Variants in MYOM1 observed in about 807,000 individuals in gnomAD.
MYOM1 encodes the protein myomesin-1.
A neutral mutation model predicts 205.3 loss-of-function variants in MYOM1; 164 were observed. The ratio of observed to expected loss-of-function variants is 0.80; its 90% CI spans 0.70 to 0.91. The LOEUF (loss-of-function observed/expected upper bound fraction) is 0.91. Among genes scored for constraint, MYOM1 ranks in the 40% least tolerant of loss-of-function variants. The pLI is 0.00. For synonymous variants in MYOM1, 772 were observed against 789.4 expected (o/e 0.98, Z 0.37); for missense variants, 2,011 against 2,127.3 (o/e 0.95, Z 1.08).
chr18:3,223,704 T>C (rs2081341074), upstream of MYOM1, among the ~76,000 whole-genome samples: 1 of 152,234 alleles, frequency 6.6e-6, no homozygotes, highest in Non-Finnish European at 1.5e-5. Context: ...TGGAGCAATT[T>C]GTGGGAAGAA....
rs553153529 is a variant in MYOM1 at position 3,202,177 on chromosome 18, T to C, written c.291-8219A>G. On this transcript the variant is annotated intron_variant, in intron 2 of 37. Transcript: ENST00000356443. ...ATATTGTAATTCCTAAGGCAATCCC[T>C]AGGAAAATAGCTCAAAGAATATAGT... is the stretch of plus-strand genomic sequence containing the variant. Among the ~76,000 whole-genome samples, 3 of 152,212 alleles carry C rather than the reference T, an allele frequency of 2.0e-5. No individual in the cohort carries two copies. In the South Asian group the frequency reaches 6.2e-4, roughly 32 times the overall value.
chr18:3,213,784 C>T (rs1231627118), intron 2 of MYOM1, among the ~76,000 whole-genome samples: 1 of 152,208 alleles, frequency 6.6e-6, no homozygotes, highest in Non-Finnish European at 1.5e-5. Flanking sequence ...CCTGCAGGAT[C>T]TTAGTTGCTT....
chr18:3,156,774 AT>A (rs1034976578), intron 10 of MYOM1, among the ~76,000 whole-genome samples: 20 of 151,580 alleles, frequency 1.3e-4, no homozygotes, highest in Non-Finnish European at 7.4e-5. Flanking sequence ...TGCCCGGCTA[AT>A]TTTTTTTGTA....
chr18:3,114,992 G>A (rs1449886979), intron 21 of MYOM1, among the ~76,000 whole-genome samples: 3 of 148,646 alleles, frequency 2.0e-5, no homozygotes, highest in South Asian at 2.1e-4. Context: ...CCTTTGTTTC[G>A]CTTCACCCTA....
chr18:3,153,302 G>A (rs2080246309), intron 11 of MYOM1, among the ~76,000 whole-genome samples: 1 of 152,158 alleles, frequency 6.6e-6, no homozygotes. Context: ...CGTGATCTTA[G>A]GTGAGTTAGT....
chr18:3,215,085 T>C lies in MYOM1; in HGVS notation c.139A>G (p.Ser47Gly), dbSNP rs202145133. 10,035 of 1,613,626 alleles carry C rather than the reference T, an allele frequency of 6.2e-3. 74 individuals carry two copies. Among genetic ancestry groups the C allele is most frequent in the Non-Finnish European group, 5.5e-3 (6,460 of 1,179,832 alleles). ...AVYTQGSTAY[S>G]SRSSAAHRRE... Reference sequence around the variant, plus strand: ...CGGTGCGCGGCGGAGGAGCGGCTGCTGTAGGCCGTGGAGCCCTGGGTGTAG... The same window carrying C: ...CGGTGCGCGGCGGAGGAGCGGCTGCCGTAGGCCGTGGAGCCCTGGGTGTAG... Residue 47 changes from serine (S) to glycine (G), a missense_variant, in exon 2 of 38, where the codon AGC becomes GGC. Ser to Gly is a moderately conservative substitution (Grantham distance 56). Coordinates refer to ENST00000356443, the MANE Select transcript of MYOM1 (RefSeq NM_003803.4).
rs373844447 is a variant in MYOM1, at chr18:3,151,746, T to C, written c.1791A>G (p.Arg597=). 8 of 1,613,724 alleles carry C rather than the reference T, an allele frequency of 5.0e-6. No homozygotes were observed. Among genetic ancestry groups the C allele is most frequent in the African/African-American group, 4.0e-5 (3 of 74,908 alleles). The stretch of plus-strand genomic sequence containing the variant: ...CCAGAGCAGCCACGGGCTCGGAAAC[T>C]CGAGATGGGAAACCTATTCCCATTT... ...VNKMGIGFPS[R]VSEPVAALDP... is the part of the protein sequence containing the mutation. The change falls in exon 12 of 38, where the codon CGA becomes CGG. Residue 597 remains arginine (R), a synonymous_variant. Transcript: ENST00000356443.
At chr18:3,114,617 C>T (rs1000150157) in intron 21 of MYOM1, among the ~76,000 whole-genome samples, 2 of 143,974 alleles carry the variant, frequency 1.4e-5, no homozygotes, top group East Asian at 4.2e-4. Flanking sequence ...CTCCTGGGCT[C>T]AAGTGATTTG....
chr18:3,120,109 C>T (rs2079666610), intron 19 of MYOM1, 114 bp from the exon 20 acceptor site: 1 of 1,362,294 alleles, frequency 7.3e-7, no homozygotes, highest in Non-Finnish European at 9.7e-7. Flanking sequence ...TAGGGTGACC[C>T]TCAATGAGTC....
rs760763098 is a variant in MYOM1, at chr18:3,129,309, T to G, written c.2717A>C (p.Glu906Ala). Residue 906 changes from glutamate to alanine, a missense_variant, in exon 18 of 38, where the codon GAG (glutamate) becomes GCG (alanine). Glu to Ala is a moderately radical substitution (Grantham distance 107, BLOSUM62 -1). Transcript: ENST00000356443. Reference protein sequence around the residue: ...VSKVSETVQEELTPPPQKAAP... With the variant: ...VSKVSETVQEALTPPPQKAAP... The stretch of plus-strand genomic sequence containing the variant: ...CGCTTTCTGTGGTGGCGGGGTAAGC[T>G]CTTCCTGAACTGTTTCACTTACTTT... The G allele has an allele frequency of 3.1e-4, 497 of 1,613,902 alleles. No homozygotes were observed. The highest frequency in any genetic ancestry group is 4.1e-4 in the Non-Finnish European group (479 of 1,179,898).
At chr18:3,194,090 A>G (rs1338274759) in intron 2 of MYOM1, 132 bp from the exon 3 acceptor site, 1 of 898,072 alleles carries the variant, frequency 1.1e-6, no homozygotes, top group Non-Finnish European at 1.6e-6. Context: ...ATTATCTCTT[A>G]TCTTTAGAAT....
intron 5 of MYOM1, among the ~76,000 whole-genome samples, chr18:3,187,178 G>A (rs2080829763): frequency 6.6e-6 from 1 of 152,188 alleles, no homozygotes; most frequent in African/African-American, 2.4e-5. Flanking sequence ...AAGAGTTATA[G>A]ACATATATTT....
chr18:3,143,469 CT>C (rs552135090), intron 13 of MYOM1, among the ~76,000 whole-genome samples: 2 of 152,088 alleles, frequency 1.3e-5, no homozygotes, highest in African/African-American at 4.8e-5. Flanking sequence ...TCAATAAAGC[CT>C]TTTTCTTACA....
chr18:3,201,807 C>A (rs1234363846), intron 2 of MYOM1, among the ~76,000 whole-genome samples: 1 of 151,966 alleles, frequency 6.6e-6, no homozygotes, highest in Non-Finnish European at 1.5e-5. Flanking sequence ...CCATGCCCAG[C>A]TAATTTCTGT....
Position 3,079,230 on chromosome 18 carries a change from G to A in MYOM1, c.4597C>T (p.Leu1533Phe). Reference protein sequence around the residue: ...PNDKGKYVMELFDGKTGHQKT... With the variant: ...PNDKGKYVMEFFDGKTGHQKT... ...TGATGTCCAGTTTTGCCATCAAAGA[G>A]CTCCATGACATACTTCCCTTTGTCA... is the stretch of plus-strand genomic sequence containing the variant. Residue 1533 changes from leucine (L) to phenylalanine (F), a missense_variant, in exon 34 of 38, where the codon CTC becomes TTC. Physicochemically the swap from Leu to Phe is conservative, Grantham distance 22. Transcript: ENST00000356443. 6.2e-7 allele frequency: 1 copy of A among 1,613,888 alleles called. No homozygotes were observed. The highest frequency in any genetic ancestry group is 2.2e-5 in the East Asian group (1 of 44,882).
chr18:3,141,489 C>T (rs1261830942), intron 14 of MYOM1, among the ~76,000 whole-genome samples: 3 of 152,200 alleles, frequency 2.0e-5, no homozygotes, highest in Admixed American at 6.5e-5. Context: ...TCCACACTCC[C>T]GGCCATTTGA....
chr18:3,241,063 G>C, the MYOM1 span, among the ~76,000 whole-genome samples: 20 of 152,192 alleles, frequency 1.3e-4, no homozygotes, highest in Non-Finnish European at 7.3e-5. Context: ...ATTCAGTTTT[G>C]TAAGGGAAGC....
intron 17 of MYOM1, 24 bp downstream of exon 17, chr18:3,131,351 T>A: frequency 1.9e-6 from 3 of 1,612,258 alleles, no homozygotes; most frequent in Non-Finnish European, 2.5e-6. Flanking sequence ...TTTTCCCCCA[T>A]ACAGTTATGC....
intron 23 of MYOM1, among the ~76,000 whole-genome samples, chr18:3,101,666 C>T (rs1427654330): frequency 6.6e-6 from 1 of 152,092 alleles, no homozygotes; most frequent in Non-Finnish European, 1.5e-5. Context: ...CTTGAACCAG[C>T]GAGTTCTTCC....
Sources: gnomAD v4.1 joint callset for allele counts (sites outside exome capture counted in the v4.1 genomes callset) on GRCh38, gnomAD v4.1.1 for gene constraint, MANE v1.5 for transcripts, NCBI Gene and HGNC (gene_info 2026-07-23, HGNC 2026-07-21) for gene names.